NUTM2F: variants seen among roughly 807,000 people sequenced by gnomAD.
NUTM2F encodes family with sequence similarity 22, member F.
In NUTM2F, 22 loss-of-function variants were observed where a neutral mutation model predicts 43.3. That is an observed-to-expected ratio of 0.51 (90% confidence interval 0.36 to 0.73). The LOEUF (loss-of-function observed/expected upper bound fraction) is 0.73. NUTM2F is among the 30% of genes least tolerant of loss of function. The pLI is 0.00. For synonymous variants in NUTM2F, 202 were observed against 389.0 expected (o/e 0.52, Z 5.66); for missense variants, 488 against 927.4 (o/e 0.53, Z 6.15).
At chr9:94,328,565 A>G in intron 1 of NUTM2F, 43 bp downstream of exon 1, 1 of 1,613,860 alleles carries the variant, frequency 6.2e-7, no homozygotes, top group Non-Finnish European at 8.5e-7. Flanking sequence ...CAAGGAGTTG[A>G]GGCAAGGCAG....
chr9:94,321,713 C>T (rs1426511032), intron 3 of NUTM2F, among the ~76,000 whole-genome samples: 2 of 145,354 alleles, frequency 1.4e-5, no homozygotes, highest in African/African-American at 5.1e-5. Context: ...TCTGTCTTCA[C>T]GGACGGTTCT....
intron 2 of NUTM2F, among the ~76,000 whole-genome samples, chr9:94,324,458 T>G (rs1039021450): frequency 1.3e-4 from 20 of 148,704 alleles, no homozygotes; most frequent in Non-Finnish European, 2.4e-4. Flanking sequence ...GGCAGGAGAT[T>G]GAGAGCATCC....
rs1314249212 is a variant in NUTM2F, at chr9:94,320,697, G to A, written c.983-104C>T. 6 of 1,370,490 alleles carry A rather than the reference G, an allele frequency of 4.4e-6. No individual in the cohort carries two copies. Among genetic ancestry groups the A allele is most frequent in the African/African-American group, 4.3e-5 (3 of 69,466 alleles). The allele number at this position is 1,370,490 out of a possible 1,614,324, so 84.9% of individuals were successfully genotyped here. A position where few individuals can be genotyped will look rare whatever the true frequency, so the allele number is the denominator to read the frequency against. ...GGGGATGTGAAGTGGGTCCCAGCTG[G>A]GTCAGGACCACCTGAACCACAGCGC... On this transcript the variant is annotated intron_variant, in intron 4 of 6. Coordinates refer to ENST00000253262, the MANE Select transcript of NUTM2F (RefSeq NM_017561.2). The surrounding 1 kb of genome is among the most constrained non-coding windows in gnomAD (Gnocchi z 4.5).
At chr9:94,324,378 G>A (rs554814715) in intron 2 of NUTM2F, among the ~76,000 whole-genome samples, 179 of 150,774 alleles carry the variant, frequency 1.2e-3, no homozygotes, top group East Asian at 3.2e-3. Flanking sequence ...TATTGAAAGT[G>A]AAAGCCAGGC....
chr9:94,322,186 G>A lies in NUTM2F; in HGVS notation c.842+15C>T, dbSNP rs1471158992. On this transcript the variant is annotated intron_variant, in intron 3 of 6. Transcript: ENST00000253262. Reference sequence around the variant, plus strand: ...CCCCGCCACACGGGCCCTGCCCCCAGGACCCCAGACTCACTTTTCCGCCAT... The same window carrying A: ...CCCCGCCACACGGGCCCTGCCCCCAAGACCCCAGACTCACTTTTCCGCCAT... 1.2e-6 allele frequency: 2 copies of A among 1,611,922 alleles called. No individual in the cohort carries two copies. The highest frequency in any genetic ancestry group is 1.3e-5 in the African/African-American group (1 of 74,932).
At chr9:94,321,771 C>T (rs531855239) in intron 3 of NUTM2F, among the ~76,000 whole-genome samples, 3 of 148,904 alleles carry the variant, frequency 2.0e-5, no homozygotes, top group African/African-American at 7.4e-5. Flanking sequence ...CATGGTGTCC[C>T]AGGTACAGGT....
Position 94,320,213 on chromosome 9 carries a change from T to A in NUTM2F, c.1363A>T (p.Thr455Ser). 5.0e-6 allele frequency: 8 copies of A among 1,613,458 alleles called. No individual in the cohort carries two copies. The highest frequency in any genetic ancestry group is 6.8e-6 in the Non-Finnish European group (8 of 1,179,790). The change falls in exon 5 of 7, where the codon ACC becomes TCC. Residue 455 changes from threonine to serine, a missense_variant. Thr to Ser is a moderately conservative substitution (Grantham distance 58). Transcript: ENST00000253262. The surrounding 1 kb of genome is among the most constrained non-coding windows in gnomAD (Gnocchi z 4.5). ...DKLCSQEDFV[T>S]KVEAVIHPRF... ...AGCACTCCAGGCAAGCCCACCTTGG[T>A]GACAAAGTCTTCCTGGGAACACAGC...
rs950397989 is a variant in NUTM2F, at chr9:94,320,328, A to G, written c.1248T>C (p.Pro416=). The G allele has an allele frequency of 6.2e-7, 1 of 1,613,656 alleles. No homozygotes were observed. The change falls in exon 5 of 7, where the codon CCT becomes CCC. Residue 416 remains proline, a synonymous_variant. Coordinates refer to ENST00000253262, the MANE Select transcript of NUTM2F (RefSeq NM_017561.2). The surrounding 1 kb of genome is among the most constrained non-coding windows in gnomAD (Gnocchi z 4.5). ...CTTTGCCCTTTTCCCGTTGTCCCTC[A>G]GGCTCCCCTGTGTCCCCAGGGTGAG... The part of the protein sequence containing the change: ...LGSHPGDTGE[P]EGQREKGKVE...
chr9:94,328,031 G>A (rs1407537653), intron 1 of NUTM2F, among the ~76,000 whole-genome samples: 3 of 151,616 alleles, frequency 2.0e-5, no homozygotes, highest in Non-Finnish European at 4.4e-5. Flanking sequence ...GCCATCTCTG[G>A]GGAGGAAGCT....
chr9:94,322,250 G>A lies in NUTM2F; in HGVS notation c.793C>T (p.Gln265Ter), dbSNP rs531655406. 6.2e-7 allele frequency: 1 copy of A among 1,612,086 alleles called. No homozygotes were observed. Among genetic ancestry groups the A allele is most frequent in the South Asian group, 1.1e-5 (1 of 90,988 alleles). ...ATCCGGTCAAAGTTGCTCGTGTGCT[G>A]CCATTCCCGCATGGCCTGCCACAGT... ...EGLWQAMREW[Q>*]HTSNFDRMIF... Residue 265 changes from glutamine to a stop codon, truncating the protein, a stop_gained, in exon 3 of 7, where the codon CAG becomes TAG. Coordinates refer to ENST00000253262, the MANE Select transcript of NUTM2F (RefSeq NM_017561.2). LOFTEE classifies it high-confidence loss of function.
chr9:94,326,015 C>T (rs1288300331), intron 1 of NUTM2F, 81 bp from the exon 2 acceptor site: 1 of 1,504,246 alleles, frequency 6.6e-7, no homozygotes, highest in Non-Finnish European at 9.1e-7. Context: ...GGAGTCCCAA[C>T]AGCTGAGGGC....
At position 94,321,103 on chromosome 9, in the gene NUTM2F, G is replaced by C; in HGVS notation, c.972C>G (p.Val324=). The change falls in exon 4 of 7, where the codon GTC becomes GTG. Residue 324 remains valine (V), a synonymous_variant. Transcript: ENST00000253262. ...EPRGPPAPEV[V]KQPVYLPSKD... ...TGTGGGAAGCTGTACCTGGCTGCTT[G>C]ACCACCTCAGGGGCAGGGGGTCCTC... 6.5e-7 allele frequency: 1 copy of C among 1,549,404 alleles called. No individual in the cohort carries two copies. The highest frequency in any genetic ancestry group is 8.7e-7 in the Non-Finnish European group (1 of 1,155,066).
intron 2 of NUTM2F, among the ~76,000 whole-genome samples, chr9:94,323,307 C>CTA (rs1162275471): frequency 6.6e-6 from 1 of 152,228 alleles, no homozygotes; most frequent in African/African-American, 2.4e-5. Context: ...CCGCCTTCAC[C>CTA]TACACCCCAG....
Position 94,319,760 on chromosome 9 carries a change from C to T in NUTM2F, c.1369-31G>A, listed in dbSNP as rs773421608. ...AACAGAAGGAAGAAGGTGTGAACTTCCTGGGGAGGGAGTAACCTGGAGCCA... is the reference window on the plus strand; with the variant it reads ...AACAGAAGGAAGAAGGTGTGAACTTTCTGGGGAGGGAGTAACCTGGAGCCA... On this transcript the variant is annotated intron_variant, in intron 5 of 6. Transcript: ENST00000253262. The T allele has an allele frequency of 2.5e-6, 4 of 1,604,176 alleles. No individual in the cohort carries two copies. In the South Asian group the frequency reaches 4.4e-5, roughly 18 times the overall value.
At chr9:94,323,744 G>T (rs553209049) in intron 2 of NUTM2F, among the ~76,000 whole-genome samples, 7 of 152,232 alleles carry the variant, frequency 4.6e-5, no homozygotes, top group Non-Finnish European at 1.0e-4. Context: ...TTTTCTAGGG[G>T]GGATTGACGG....
intron 1 of NUTM2F, among the ~76,000 whole-genome samples, chr9:94,326,500 C>T (rs780253501): frequency 6.6e-6 from 1 of 152,172 alleles, no homozygotes; most frequent in South Asian, 2.1e-4. Flanking sequence ...CCTGTCATCC[C>T]AGCGCTTTGG....
intron 2 of NUTM2F, among the ~76,000 whole-genome samples, chr9:94,322,536 T>C (rs397834344): frequency 2.0e-5 from 3 of 152,158 alleles, no homozygotes; most frequent in East Asian, 1.9e-4. Flanking sequence ...TCCGACTGCC[T>C]CTCAAGTCCT....
chr9:94,319,991 T>C (rs1831335632), intron 5 of NUTM2F, among the ~76,000 whole-genome samples: 1 of 151,000 alleles, frequency 6.6e-6, no homozygotes. Flanking sequence ...ACATACACAC[T>C]CCACACTCAC....
intron 2 of NUTM2F, among the ~76,000 whole-genome samples, chr9:94,324,401 G>A (rs2118735491): frequency 6.6e-6 from 1 of 152,138 alleles, no homozygotes; most frequent in African/African-American, 2.4e-5. Flanking sequence ...GGTGGCTCAT[G>A]CCTGCAATCG....
Sources: gnomAD v4.1 joint callset for allele counts (sites outside exome capture counted in the v4.1 genomes callset) on GRCh38, gnomAD v4.1.1 for gene constraint, Gnocchi (gnomAD v3.1) non-coding constraint, MANE v1.5 for transcripts, NCBI Gene and HGNC (gene_info 2026-07-23, HGNC 2026-07-21) for gene names.